Variants in RGS12 observed in about 807,000 individuals in gnomAD.
RGS12 encodes regulator of G protein signaling 12, also known as regulator of G-protein signaling 12.
RGS12 carries 66 observed loss-of-function variants against 120.1 expected under a neutral mutation model. That is an observed-to-expected ratio of 0.55 (90% CI 0.45 to 0.67). RGS12 has a LOEUF of 0.67. RGS12 is among the 30% of genes least tolerant of loss of function. The pLI is 0.00. For synonymous variants in RGS12, 827 were observed against 804.7 expected (o/e 1.03, Z -0.47); for missense variants, 1,859 against 1,957.7 (o/e 0.95, Z 0.95).
chr4:3,296,100 G>A (rs1723367007), intron 1 of RGS12, among the ~76,000 whole-genome samples: 2 of 150,452 alleles, frequency 1.3e-5, no homozygotes, highest in African/African-American at 5.0e-5. Context: ...CTGCCCCCCT[G>A]GTCAGCTTCT....
rs1482800645 is a variant in RGS12 at position 3,428,668 on chromosome 4, T to C, written c.3522T>C (p.Ile1174=). The C allele has an allele frequency of 4.4e-6, 7 of 1,595,860 alleles. No homozygotes were observed. Among genetic ancestry groups the C allele is most frequent in the South Asian group, 1.2e-5 (1 of 86,760 alleles). The change falls in exon 16 of 18, where the codon ATT becomes ATC. Residue 1174 remains isoleucine, a synonymous_variant. Transcript: ENST00000336727. ...AGAGAGAAGAATCTATTGCAAAGAT[T>C]GGGAAAAAAAAATATCAGAAAATTA... The part of the protein sequence containing the change: ...LSKREESIAK[I]GKKKYQKINL...
At chr4:3,399,875 T>C (rs1465519402) in intron 4 of RGS12, among the ~76,000 whole-genome samples, 1 of 152,236 alleles carries the variant, frequency 6.6e-6, no homozygotes, top group Non-Finnish European at 1.5e-5. Flanking sequence ...TTGTTCTAAG[T>C]GTTTTCCTCC....
At chr4:3,360,418 T>C (rs532412269) in intron 3 of RGS12, among the ~76,000 whole-genome samples, 17 of 151,874 alleles carry the variant, frequency 1.1e-4, no homozygotes, top group Admixed American at 1.1e-3. Flanking sequence ...GGTTTCGTTT[T>C]TTGTTTTTTG....
intron 2 of RGS12, among the ~76,000 whole-genome samples, chr4:3,341,768 G>C (rs1293763505): frequency 5.3e-5 from 4 of 74,986 alleles, no homozygotes; most frequent in African/African-American, 2.3e-4. Flanking sequence ...AGGGTGGAGA[G>C]ATGGTGTGGG....
intron 3 of RGS12, among the ~76,000 whole-genome samples, chr4:3,359,627 T>TTTC (rs1400735401): frequency 1.5e-5 from 2 of 137,646 alleles, no homozygotes; most frequent in African/African-American, 5.7e-5. Context: ...TTTCTTTTCT[T>TTTC]TTTTTTTTTT....
At chr4:3,420,008 C>T (rs538190001) in intron 9 of RGS12, among the ~76,000 whole-genome samples, 2 of 152,254 alleles carry the variant, frequency 1.3e-5, no homozygotes, top group East Asian at 1.9e-4. Flanking sequence ...CCATGTGCAG[C>T]GGTGTGGTTT....
At chr4:3,294,275 G>A (rs528314862) in intron 1 of RGS12, among the ~76,000 whole-genome samples, 1 of 152,348 alleles carries the variant, frequency 6.6e-6, no homozygotes, top group East Asian at 1.9e-4. Flanking sequence ...GGCCTTCCCA[G>A]GCAAGGCAGC....
chr4:3,399,189 T>C (rs1388257492), intron 4 of RGS12, among the ~76,000 whole-genome samples: 1 of 151,922 alleles, frequency 6.6e-6, no homozygotes, highest in Non-Finnish European at 1.5e-5. Flanking sequence ...GAAAAAAGTT[T>C]GAAAATATAG....
Position 3,349,844 on chromosome 4 carries a change from C to T in RGS12, c.1998+6791C>T, listed in dbSNP as rs1578791612. Among the ~76,000 whole-genome samples the T allele has an allele frequency of 2.6e-5, 4 of 152,230 alleles. No homozygotes were observed. The South Asian group carries it at 8.3e-4, about 32-fold the overall frequency. ...AGAACAAACTTACATTTGTGTTCAGCAATGTATGTTTTAGTACTTTATCTT... is the reference window on the plus strand; with the variant it reads ...AGAACAAACTTACATTTGTGTTCAGTAATGTATGTTTTAGTACTTTATCTT... On this transcript the variant is annotated intron_variant, in intron 3 of 17. Coordinates refer to ENST00000336727, the MANE Select transcript of RGS12 (RefSeq NM_001394154.1).
chr4:3,438,776 G>T (rs1385742129), intron 17 of RGS12, among the ~76,000 whole-genome samples: 1 of 152,154 alleles, frequency 6.6e-6, no homozygotes, highest in Non-Finnish European at 1.5e-5. Flanking sequence ...TCCTGGGGCT[G>T]GAGTGGGCAT....
At position 3,423,557 on chromosome 4, in the gene RGS12, C is replaced by G; in HGVS notation, c.3150C>G (p.Ala1050=). The G allele has an allele frequency of 6.2e-7, 1 of 1,613,022 alleles. No homozygotes were observed. Residue 1050 remains alanine (A), a synonymous_variant, in exon 13 of 18, where the codon GCC becomes GCG. Transcript: ENST00000336727. ...TTAACCGGTCAGTGGGACTCAAGGCCAAGCCCACCAAGCCCGTCACGGAGG... is the reference window on the plus strand; with the variant it reads ...TTAACCGGTCAGTGGGACTCAAGGCGAAGCCCACCAAGCCCGTCACGGAGG... The part of the protein sequence containing the change: ...VPINRSVGLK[A]KPTKPVTEVL...
At chr4:3,347,608 ATC>A (rs1268725640) in intron 3 of RGS12, among the ~76,000 whole-genome samples, 1 of 152,226 alleles carries the variant, frequency 6.6e-6, no homozygotes, top group Non-Finnish European at 1.5e-5. Flanking sequence ...TCACAAATTC[ATC>A]TGTTTCCTTA....
chr4:3,433,354 G>A lies in RGS12; in HGVS notation c.4114+2399G>A, dbSNP rs1294668463. 6.6e-6 allele frequency among the ~76,000 whole-genome samples: 1 copy of A among 152,198 alleles called. No homozygotes were observed. The highest frequency in any genetic ancestry group is 1.9e-4 in the East Asian group (1 of 5,182). On this transcript the variant is annotated intron_variant, in intron 17 of 17. Transcript: ENST00000336727. The surrounding 1 kb of genome is among the most constrained non-coding windows in gnomAD (Gnocchi z 4.4). Reference sequence around the variant, plus strand: ...GTGGGCAGCATGCCGGCTACGCGTGGGGGCTGCCAGCAACAGCCTTGAGGT... The same window carrying A: ...GTGGGCAGCATGCCGGCTACGCGTGAGGGCTGCCAGCAACAGCCTTGAGGT...
In RGS12 at chr4:3,416,215, G is replaced by T. The variant is rs1404497042; in HGVS notation, c.2427+94G>T. Reference sequence around the variant, plus strand: ...AGAACACGTGCTATCAGGCAGGCCAGTGGATCGAGAGCATCACAGACGCAG... The same window carrying T: ...AGAACACGTGCTATCAGGCAGGCCATTGGATCGAGAGCATCACAGACGCAG... On this transcript the variant is annotated intron_variant, in intron 7 of 17. Coordinates refer to ENST00000336727, the MANE Select transcript of RGS12 (RefSeq NM_001394154.1). 4.2e-6 allele frequency: 6 copies of T among 1,430,628 alleles called. No homozygotes were observed. In the African/African-American group the frequency reaches 7.1e-5, roughly 17 times the overall value. The allele number at this position is 1,430,628 out of a possible 1,614,324, so 88.6% of individuals were successfully genotyped here.
At chr4:3,377,198 A>G (rs1304016512) in intron 3 of RGS12, among the ~76,000 whole-genome samples, 2 of 152,010 alleles carry the variant, frequency 1.3e-5, no homozygotes, top group African/African-American at 4.8e-5. Context: ...CAGCCCCCCA[A>G]GTAGCTGGAG....
rs1159179946 is a variant in RGS12, at chr4:3,415,993, C to T, written c.2299C>T (p.Arg767Trp). Reference sequence around the variant, plus strand: ...TTCCTGTCAGCTTTCCTACAGGGCCCGGGAGATTTTCAGTAAGTTTCTCTG... The same window carrying T: ...TTCCTGTCAGCTTTCCTACAGGGCCTGGGAGATTTTCAGTAAGTTTCTCTG... ...HDKKELSYRA[R>W]EIFSKFLCSK... The change falls in exon 7 of 18, where the codon CGG becomes TGG. Residue 767 changes from arginine (R) to tryptophan (W), a missense_variant. Arg to Trp is a moderately radical substitution (Grantham distance 101, BLOSUM62 -3). This residue lies in a region of RGS12 where 375 missense variants were observed against 475.0 expected (regional missense o/e 0.79). Transcript: ENST00000336727. 4.3e-6 allele frequency: 7 copies of T among 1,610,516 alleles called. No homozygotes were observed. The highest frequency in any genetic ancestry group is 1.1e-5 in the South Asian group (1 of 90,286).
chr4:3,367,983 A>G (rs997135558), intron 3 of RGS12, among the ~76,000 whole-genome samples: 1 of 152,352 alleles, frequency 6.6e-6, no homozygotes, highest in African/African-American at 2.4e-5. Context: ...ATGGAACACA[A>G]TGGGATGAAG....
chr4:3,304,824 GGAGC>G (rs1723883845), intron 1 of RGS12, among the ~76,000 whole-genome samples: 1 of 152,224 alleles, frequency 6.6e-6, no homozygotes, highest in South Asian at 2.1e-4. Flanking sequence ...AAACGACCCT[GGAGC>G]TATTTTGCAT....
intron 1 of RGS12, among the ~76,000 whole-genome samples, chr4:3,301,953 G>T (rs1274421812): frequency 1.3e-4 from 20 of 151,582 alleles, no homozygotes; most frequent in Admixed American, 1.3e-3. Flanking sequence ...CTAGGAAGTT[G>T]TCATGTATCT....
Sources: gnomAD v4.1 joint callset for allele counts (sites outside exome capture counted in the v4.1 genomes callset) on GRCh38, gnomAD v4.1.1 for gene constraint, gnomAD v4.1.1 regional missense constraint, Gnocchi (gnomAD v3.1) non-coding constraint, MANE v1.5 for transcripts, NCBI Gene and HGNC (gene_info 2026-07-23, HGNC 2026-07-21) for gene names.